Variants in BLTP1 observed in about 807,000 individuals in gnomAD.
The protein encoded by BLTP1 is bridge-like lipid transfer protein family member 1.
At chr4:122,190,782 GT>G in the BLTP1 span, among the ~76,000 whole-genome samples, 1 of 152,108 alleles carries the variant, frequency 6.6e-6, no homozygotes, top group Admixed American at 6.6e-5. Context: ...TTCTTGACAG[GT>G]GGCTTCCATT....
At chr4:122,358,839 A>G in the BLTP1 span, among the ~76,000 whole-genome samples, 1 of 152,082 alleles carries the variant, frequency 6.6e-6, no homozygotes, top group African/African-American at 2.4e-5. Flanking sequence ...AATGGCAAAA[A>G]CTGCAATTAC....
the BLTP1 span, chr4:122,289,095 C>G: frequency 1.2e-6 from 2 of 1,606,726 alleles, no homozygotes; most frequent in Non-Finnish European, 8.5e-7. Flanking sequence ...AGGTTGGTTC[C>G]TTTGAACATA....
the BLTP1 span, chr4:122,246,608 T>C: frequency 6.6e-7 from 1 of 1,526,366 alleles, no homozygotes; most frequent in Admixed American, 1.9e-5. Context: ...ACAGTAGTTT[T>C]TCATTTTTGT....
At chr4:122,270,297 A>G in the BLTP1 span, 3 of 952,182 alleles carry the variant, frequency 3.2e-6, no homozygotes, top group Non-Finnish European at 3.8e-6. Flanking sequence ...TACAGAAAAA[A>G]CTCCCATGTC....
chr4:122,176,290 G>A, the BLTP1 span, among the ~76,000 whole-genome samples: 2 of 150,946 alleles, frequency 1.3e-5, no homozygotes, highest in Non-Finnish European at 2.9e-5. Flanking sequence ...GCAACAGAGC[G>A]ATACTCTGTC....
the BLTP1 span, chr4:122,209,467 A>G: frequency 1.1e-6 from 1 of 897,116 alleles, no homozygotes; most frequent in African/African-American, 1.7e-5. Flanking sequence ...CAACATGGTG[A>G]AACCTTGTCT....
At chr4:122,294,639 T>C in the BLTP1 span, among the ~76,000 whole-genome samples, 1 of 152,072 alleles carries the variant, frequency 6.6e-6, no homozygotes, top group African/African-American at 2.4e-5. Context: ...AAGGTAGATA[T>C]GCCCGCAAAG....
At chr4:122,270,684 T>C in the BLTP1 span, among the ~76,000 whole-genome samples, 2 of 152,068 alleles carry the variant, frequency 1.3e-5, no homozygotes, top group African/African-American at 4.8e-5. Context: ...AATTGATCTA[T>C]ACTTAACTCT....
At chr4:122,155,298 G>A in the BLTP1 span, among the ~76,000 whole-genome samples, 6 of 151,548 alleles carry the variant, frequency 4.0e-5, no homozygotes, top group African/African-American at 1.5e-4. Context: ...TATGAATGCT[G>A]CATTAATGTA....
At chr4:122,185,439 C>T in the BLTP1 span, 1 of 984,830 alleles carries the variant, frequency 1.0e-6, no homozygotes, top group African/African-American at 1.7e-5. Context: ...AGATTATTTC[C>T]TTAGTAGAAA....
chr4:122,248,184 T>G, the BLTP1 span: 1 of 874,456 alleles, frequency 1.1e-6, no homozygotes, highest in Non-Finnish European at 1.4e-6. Flanking sequence ...AAGGGACTTT[T>G]CATGACTACC....
chr4:122,336,155 T>C, the BLTP1 span: 1 of 1,521,886 alleles, frequency 6.6e-7, no homozygotes, highest in Non-Finnish European at 8.9e-7. Flanking sequence ...TGGAACTTTT[T>C]ATAAAATCCA....
At chr4:122,290,044 A>G in the BLTP1 span, 1 of 152,442 alleles carries the variant, frequency 6.6e-6, no homozygotes, top group Non-Finnish European at 1.5e-5. Context: ...ATGTACCAGT[A>G]TTTGATAAGG....
At chr4:122,239,446 T>C in the BLTP1 span, 4 of 1,229,846 alleles carry the variant, frequency 3.3e-6, no homozygotes, top group East Asian at 4.9e-5. Context: ...AGGATTTTTA[T>C]TGATATTTGT....
At chr4:122,355,052 CTGTTAAAAA>C in the BLTP1 span, among the ~76,000 whole-genome samples, 1 of 152,092 alleles carries the variant, frequency 6.6e-6, no homozygotes, top group South Asian at 2.1e-4. Flanking sequence ...TGAATAGAGA[CTGTTAAAAA>C]TGTTCCTAGA....
chr4:122,209,828 G>A, the BLTP1 span: 1 of 1,613,334 alleles, frequency 6.2e-7, no homozygotes, highest in Non-Finnish European at 8.5e-7. Flanking sequence ...GTCTGGTTGG[G>A]TTGAATGCTG....
chr4:122,152,347 T>C, the BLTP1 span: 1 of 985,320 alleles, frequency 1.0e-6, no homozygotes, highest in Non-Finnish European at 1.2e-6. Context: ...CCGCCCGGCC[T>C]CGGTTGGGAC....
the BLTP1 span, chr4:122,305,681 T>G: frequency 8.5e-6 from 8 of 940,492 alleles, no homozygotes; most frequent in Non-Finnish European, 1.0e-5. Flanking sequence ...TGACTTCATA[T>G]TTACTTCTTG....
the BLTP1 span, chr4:122,309,169 C>T: frequency 4.2e-5 from 62 of 1,466,864 alleles, no homozygotes; most frequent in East Asian, 5.6e-4. Context: ...CTAGGCTTGA[C>T]CGTTTCTAGA....
Sources: allele counts gnomAD v4.1 joint callset (sites outside exome capture counted in the v4.1 genomes callset), GRCh38; gene constraint gnomAD v4.1.1; transcripts MANE v1.5; gene names NCBI Gene and HGNC (gene_info 2026-07-23, HGNC 2026-07-21).